SRFBP1: variants seen among roughly 807,000 people sequenced by gnomAD.
The protein encoded by SRFBP1 is serum response factor binding protein 1, also known as serum response factor-binding protein 1.
Under a neutral mutation model 45.5 loss-of-function variants are expected in SRFBP1, and 47 were observed. That is an observed-to-expected ratio of 1.03 (90% CI 0.82 to 1.32). The LOEUF is 1.32. Among genes scored for constraint, SRFBP1 ranks in the 40% most tolerant of loss-of-function variants. SRFBP1 has a pLI of 0.00. For missense variants in SRFBP1, 621 were observed against 484.6 expected (o/e 1.28, Z -2.64); for synonymous variants, 203 against 166.3 (o/e 1.22, Z -1.70).
downstream of SRFBP1, among the ~76,000 whole-genome samples, chr5:122,030,811 A>G (rs1388887622): frequency 6.6e-6 from 1 of 152,198 alleles, no homozygotes; most frequent in East Asian, 1.9e-4. Context: ...TTAATGAATC[A>G]GAGATTTCAA....
chr5:122,077,365 G>A (rs1235288447), downstream of SRFBP1: 1 of 1,613,734 alleles, frequency 6.2e-7, no homozygotes, highest in Non-Finnish European at 8.5e-7. The surrounding 1 kb of genome is among the most constrained non-coding windows in gnomAD (Gnocchi z 4.9). Context: ...CGTACTGGAA[G>A]TAGCCAGTGC....
chr5:121,972,989 A>G (rs1170055611), intron 1 of SRFBP1, among the ~76,000 whole-genome samples: 1 of 151,948 alleles, frequency 6.6e-6, no homozygotes, highest in Non-Finnish European at 1.5e-5. Flanking sequence ...GGTTGCTAAT[A>G]TCTTCAGTGA....
Position 121,962,084 on chromosome 5 carries a change from C to G in SRFBP1, c.36+16C>G, listed in dbSNP as rs955275125. 3.1e-6 allele frequency: 5 copies of G among 1,613,974 alleles called. No individual in the cohort carries two copies. The highest frequency in any genetic ancestry group is 1.1e-5 in the South Asian group (1 of 91,082). On this transcript the variant is annotated intron_variant, in intron 1 of 7. Coordinates refer to ENST00000339397, the MANE Select transcript of SRFBP1 (RefSeq NM_152546.3). ...CAATAACGAGGTGAGCGCCGAGGAACCTATGGGGCTGACTTTAAGGGTCCT... is the reference window on the plus strand; with the variant it reads ...CAATAACGAGGTGAGCGCCGAGGAAGCTATGGGGCTGACTTTAAGGGTCCT...
At chr5:122,042,250 A>G (rs1476768017) in intron 2 of SRFBP1, among the ~76,000 whole-genome samples, 1 of 152,080 alleles carries the variant, frequency 6.6e-6, no homozygotes, top group Non-Finnish European at 1.5e-5. Flanking sequence ...AAACAATGTA[A>G]CCTCTTGATT....
At chr5:122,037,742 G>T (rs770106801) in intron 2 of SRFBP1, among the ~76,000 whole-genome samples, 2 of 151,644 alleles carry the variant, frequency 1.3e-5, no homozygotes, top group Non-Finnish European at 2.9e-5. Context: ...GATCTCAAAC[G>T]CCTGGCTTCA....
chr5:121,984,131 G>A (rs1023811073), intron 3 of SRFBP1, among the ~76,000 whole-genome samples: 1 of 151,796 alleles, frequency 6.6e-6, no homozygotes, highest in African/African-American at 2.4e-5. Flanking sequence ...CATTTTCACA[G>A]CTTTCACCAA....
At chr5:122,078,210 T>C (rs1754698993), downstream of SRFBP1, 2 of 423,962 alleles carry the variant, frequency 4.7e-6, no homozygotes, top group Admixed American at 4.5e-5. Context: ...TTCTCAGTCC[T>C]GGAAGGCAAC....
Position 121,974,185 on chromosome 5 carries a change from A to C in SRFBP1, c.37-11A>C. On this transcript the variant is annotated splice_polypyrimidine_tract_variant and intron_variant, in intron 1 of 7. Transcript: ENST00000339397. ...GTGCCTTTCTTCTAATTATTGCTTT[A>C]TTCTTCAAAGGTTGTGAAGATGAGA... The C allele has an allele frequency of 6.3e-7, 1 of 1,595,852 alleles. No individual in the cohort carries two copies. Among genetic ancestry groups the C allele is most frequent in the Non-Finnish European group, 8.6e-7 (1 of 1,164,990 alleles).
At position 121,995,014 on chromosome 5, in the gene SRFBP1, C is replaced by A. The variant is rs187582191; in HGVS notation, c.270+344C>A. Among the ~76,000 whole-genome samples the A allele has an allele frequency of 1.1e-4, 17 of 151,888 alleles. No individual in the cohort carries two copies. The East Asian group carries it at 2.5e-3, about 22-fold the overall frequency. ...TATATATGCACCCAGATTCATAAAGCAAGTCCTGAGTGACCTACAAAGAGA... is the reference window on the plus strand; with the variant it reads ...TATATATGCACCCAGATTCATAAAGAAAGTCCTGAGTGACCTACAAAGAGA... On this transcript the variant is annotated intron_variant, in intron 4 of 7. Coordinates refer to ENST00000339397, the MANE Select transcript of SRFBP1 (RefSeq NM_152546.3).
At chr5:122,031,323 G>A (rs1178923752), downstream of SRFBP1, among the ~76,000 whole-genome samples, 1 of 152,100 alleles carries the variant, frequency 6.6e-6, no homozygotes, top group Non-Finnish European at 1.5e-5. Context: ...TATTTAAAAT[G>A]TCCAATTTTC....
intron 2 of SRFBP1, among the ~76,000 whole-genome samples, chr5:122,073,327 A>G (rs1287321236): frequency 6.6e-6 from 1 of 152,236 alleles, no homozygotes; most frequent in Non-Finnish European, 1.5e-5. Flanking sequence ...ACTTTAAAAA[A>G]ATCCATCCAA....
At chr5:122,036,003 C>G (rs1270624420) in intron 2 of SRFBP1, among the ~76,000 whole-genome samples, 1 of 152,168 alleles carries the variant, frequency 6.6e-6, no homozygotes, top group East Asian at 1.9e-4. Flanking sequence ...AACGATGGTC[C>G]TTTGTGTTTT....
intron 2 of SRFBP1, chr5:122,066,883 G>T: frequency 1.6e-6 from 1 of 636,042 alleles, no homozygotes; most frequent in South Asian, 1.9e-5. Flanking sequence ...CAATCATGTT[G>T]TGAAATTATG....
At chr5:122,056,976 CAGTT>C (rs1165674490) in intron 2 of SRFBP1, among the ~76,000 whole-genome samples, 8 of 152,084 alleles carry the variant, frequency 5.3e-5, no homozygotes, top group Non-Finnish European at 1.0e-4. Context: ...CCTTAAATGT[CAGTT>C]AGGGTGCTTG....
chr5:121,972,003 T>A (rs1752209206), intron 1 of SRFBP1, among the ~76,000 whole-genome samples: 1 of 151,950 alleles, frequency 6.6e-6, no homozygotes, highest in Admixed American at 6.6e-5. Flanking sequence ...TCTAAAAGCT[T>A]AGTTCTCCAC....
At chr5:122,004,761 C>A (rs1055103637) in intron 4 of SRFBP1, among the ~76,000 whole-genome samples, 15 of 152,016 alleles carry the variant, frequency 9.9e-5, no homozygotes, top group African/African-American at 3.6e-4. Context: ...TATTTGAGAT[C>A]TCTTTTGATG....
At chr5:122,065,646 C>G (rs905171451) in intron 2 of SRFBP1, 1 of 152,024 alleles carries the variant, frequency 6.6e-6, no homozygotes, top group Non-Finnish European at 1.5e-5. Context: ...CTGAATAACC[C>G]AGGATGATGT....
chr5:121,962,138 C>T lies in SRFBP1; in HGVS notation c.36+70C>T, dbSNP rs62381211. 8 of 1,590,342 alleles carry T rather than the reference C, an allele frequency of 5.0e-6. No homozygotes were observed. In the African/African-American group the frequency reaches 9.4e-5, roughly 19 times the overall value. On this transcript the variant is annotated intron_variant, in intron 1 of 7. Transcript: ENST00000339397. The stretch of plus-strand genomic sequence containing the variant: ...AACCAGCTCTTTTGAGACGCGTGGT[C>T]GGAGGCGGGCATAGAGGGTGCGGTT...
rs1425572125 is a variant in SRFBP1 at position 122,056,965 on chromosome 5, G to T, written n.312-18350G>T. On this transcript the variant is annotated intron_variant and non_coding_transcript_variant, in intron 2 of 2. Coordinates refer to the SRFBP1 transcript ENST00000504881. The stretch of plus-strand genomic sequence containing the variant: ...GACAATTGGGACCAGATAAAGGAAG[G>T]CCTTAAATGTCAGTTAGGGTGCTTG... Among the ~76,000 whole-genome samples the T allele has an allele frequency of 4.6e-5, 7 of 152,134 alleles. No homozygotes were observed. In the East Asian group the frequency reaches 1.4e-3, roughly 29 times the overall value.
Sources: allele counts gnomAD v4.1 joint callset (sites outside exome capture counted in the v4.1 genomes callset), GRCh38; gene constraint gnomAD v4.1.1; non-coding constraint Gnocchi (gnomAD v3.1); transcripts MANE v1.5; gene names NCBI Gene and HGNC (gene_info 2026-07-23, HGNC 2026-07-21).